Variants in VBP1 observed in about 807,000 individuals in gnomAD.
VBP1 encodes the protein VHL binding protein 1, also known as prefoldin subunit 3.
A neutral mutation model predicts 15.5 loss-of-function variants in VBP1; 4 were observed. The ratio of observed to expected loss-of-function variants is 0.26; its 90% CI spans 0.13 to 0.59. The LOEUF (loss-of-function observed/expected upper bound fraction) is 0.59. Ranked by LOEUF, VBP1 falls within the 20% of genes least tolerant of loss-of-function variation. VBP1 has a pLI of 0.90. For synonymous variants in VBP1, 61 were observed against 52.1 expected (o/e 1.17, Z -0.74); for missense variants, 108 against 139.6 (o/e 0.77, Z 1.14).
At chrX:155,223,367 C>G (rs2074700289) in intron 2 of VBP1, among the ~76,000 whole-genome samples, 1 of 108,221 alleles carries the variant, frequency 9.2e-6, no homozygotes, top group Non-Finnish European at 1.9e-5. Flanking sequence ...GTTTGTGTCC[C>G]TGGGTACTTG....
chrX:155,212,245 T>C (rs782483432), upstream of VBP1, among the ~76,000 whole-genome samples: 9 of 112,100 alleles, frequency 8.0e-5, no homozygotes, highest in Admixed American at 8.5e-4. Flanking sequence ...AAGGTCTTCA[T>C]GTATCCTAAG....
chrX:155,211,904 A>C (rs1227692387), upstream of VBP1, among the ~76,000 whole-genome samples: 1 of 111,828 alleles, frequency 8.9e-6, no homozygotes, highest in Non-Finnish European at 1.9e-5. Context: ...ATTCTGTGCC[A>C]TATCCATGCC....
chrX:155,236,498 G>A, intron 5 of VBP1, 131 bp downstream of exon 5: 1 of 706,476 alleles, frequency 1.4e-6, no homozygotes, highest in East Asian at 3.9e-5. Context: ...CCTAGGTGAT[G>A]GGTTGATAGG....
chrX:155,208,767 A>G (rs73641118), intron 1 of VBP1: 127,298 of 425,775 alleles, frequency 0.3, 14,728 homozygotes, highest in African/African-American at 0.57. Flanking sequence ...AAATATTAAT[A>G]TAATATTTAC....
intron 4 of VBP1, among the ~76,000 whole-genome samples, chrX:155,230,190 C>T (rs782169120): frequency 1.3e-4 from 14 of 111,356 alleles, no homozygotes; most frequent in Admixed American, 3.8e-4. Context: ...TTGGTGTTCG[C>T]GGACAGTCTT....
At chrX:155,227,402 G>C in intron 3 of VBP1, 101 bp downstream of exon 3, 1 of 564,635 alleles carries the variant, frequency 1.8e-6, no homozygotes, top group Non-Finnish European at 2.7e-6. Flanking sequence ...CTGTGCTGTG[G>C]AATCCAGTCT....
chrX:155,230,271 C>G (rs1295357234), intron 4 of VBP1, among the ~76,000 whole-genome samples: 1 of 111,436 alleles, frequency 9.0e-6, no homozygotes, highest in East Asian at 2.8e-4. Flanking sequence ...TGCATGTGTC[C>G]AAATTTCTCC....
chrX:155,227,851 G>A (rs1557310385), intron 3 of VBP1, among the ~76,000 whole-genome samples: 1 of 112,363 alleles, frequency 8.9e-6, no homozygotes, highest in East Asian at 2.8e-4. Context: ...AGGTTGTAAA[G>A]ATTAAATCTC....
At position 155,197,846 on chromosome X, in the gene VBP1, C is replaced by T. The variant is rs2074584248; in HGVS notation, c.-31+707C>T. 5.3e-5 allele frequency among the ~76,000 whole-genome samples: 6 copies of T among 112,445 alleles called. No homozygotes were observed. The Admixed American group carries it at 5.6e-4, about 11-fold the overall frequency. ...GAAGTGCAAGGGGTCAGGGAGTTCC[C>T]TTTACTAGTCAAAGAAAGGGGTGAC... On this transcript the variant is annotated intron_variant, in intron 1 of 6. Transcript: ENST00000535916.
intron 1 of VBP1, among the ~76,000 whole-genome samples, chrX:155,204,216 G>A (rs1447007899): frequency 2.7e-5 from 3 of 111,054 alleles, no homozygotes; most frequent in Non-Finnish European, 5.7e-5. Context: ...GAAGTGGCAC[G>A]ATGTCGGTTC....
intron 1 of VBP1, among the ~76,000 whole-genome samples, chrX:155,207,890 TAGATGA>T (rs1302176717): frequency 1.8e-5 from 2 of 112,279 alleles, no homozygotes; most frequent in Non-Finnish European, 3.8e-5. Context: ...TTTTCATTGA[TAGATGA>T]AGATGAACAA....
rs143746244 is a variant in VBP1, at chrX:155,220,245, G to A, written c.156G>A (p.Lys52=). The A allele has an allele frequency of 1.2e-5, 14 of 1,199,078 alleles. No individual in the cohort carries two copies. Among genetic ancestry groups the A allele is most frequent in the Non-Finnish European group, 1.3e-5 (12 of 889,275 alleles). ...AGACTGCAGATACAGTATTAAAGAAGCTGGATGAACAGTACCAGAAGTATA... is the reference window on the plus strand; with the variant it reads ...AGACTGCAGATACAGTATTAAAGAAACTGGATGAACAGTACCAGAAGTATA... ...GNETADTVLK[K]LDEQYQKYKF... is the part of the protein sequence containing the mutation. Residue 52 remains lysine (K), a synonymous_variant, in exon 2 of 6, where the codon AAG becomes AAA. Coordinates refer to ENST00000286428, the MANE Select transcript of VBP1 (RefSeq NM_003372.7).
intron 1 of VBP1, among the ~76,000 whole-genome samples, chrX:155,208,031 A>C (rs782171449): frequency 8.9e-6 from 1 of 112,107 alleles, no homozygotes; most frequent in East Asian, 2.8e-4. Flanking sequence ...GTTCTTAAGT[A>C]AGCCCATATT....
chrX:155,204,773 G>T (rs1205815173), intron 1 of VBP1, among the ~76,000 whole-genome samples: 1 of 112,018 alleles, frequency 8.9e-6, no homozygotes, highest in Admixed American at 9.5e-5. Flanking sequence ...GTATTAATAT[G>T]GTTTAGTTTA....
intron 1 of VBP1, 50 bp downstream of exon 1, chrX:155,216,625 C>T (rs370386578): frequency 1.3e-5 from 15 of 1,157,858 alleles, no homozygotes; most frequent in Non-Finnish European, 1.7e-5. Flanking sequence ...CTTGGACTGC[C>T]CCTTTCTTCC....
upstream of VBP1, among the ~76,000 whole-genome samples, chrX:155,215,817 G>GGT (rs1490726298): frequency 8.9e-6 from 1 of 112,064 alleles, no homozygotes. Context: ...CATGGGCCTA[G>GGT]AAGCCTAGGT....
intron 4 of VBP1, among the ~76,000 whole-genome samples, chrX:155,230,686 CTTT>C (rs1163342396): frequency 9.6e-6 from 1 of 104,064 alleles, no homozygotes. Flanking sequence ...TTACTTCTCT[CTTT>C]TTTTTTTTTT....
chrX:155,224,712 A>G (rs926697566), intron 2 of VBP1, among the ~76,000 whole-genome samples: 7 of 112,052 alleles, frequency 6.2e-5, no homozygotes, highest in Non-Finnish European at 1.1e-4. Context: ...TTAGTATTTC[A>G]TGTGTTAATC....
At chrX:155,197,940 G>T (rs2074584747) in intron 1 of VBP1, among the ~76,000 whole-genome samples, 1 of 112,387 alleles carries the variant, frequency 8.9e-6, no homozygotes, top group Non-Finnish European at 1.9e-5. Flanking sequence ...TTAAAAAACG[G>T]CGCACCAGGA....
Sources: gnomAD v4.1 joint callset for allele counts (sites outside exome capture counted in the v4.1 genomes callset) on GRCh38, gnomAD v4.1.1 for gene constraint, MANE v1.5 for transcripts, NCBI Gene and HGNC (gene_info 2026-07-23, HGNC 2026-07-21) for gene names.